Variants in ZNF385D observed in about 807,000 individuals in gnomAD.
ZNF385D encodes the protein zinc finger protein 659.
In ZNF385D, 15 loss-of-function variants were observed where a neutral mutation model predicts 35.8. That is an observed-to-expected ratio of 0.42 (90% CI 0.28 to 0.64). The LOEUF is 0.64. Among genes scored for constraint, ZNF385D ranks in the 30% least tolerant of loss-of-function variants. ZNF385D has a pLI of 0.23. For missense variants in ZNF385D, 474 were observed against 494.6 expected (o/e 0.96, Z 0.39); for synonymous variants, 212 against 186.8 (o/e 1.13, Z -1.10).
intron 1 of ZNF385D, among the ~76,000 whole-genome samples, chr3:21,717,578 C>G (rs919145354): frequency 3.0e-4 from 45 of 152,140 alleles, no homozygotes; most frequent in African/African-American, 1.0e-3. Context: ...TGTCCCCACC[C>G]AAATCTCACA....
At chr3:21,969,701 G>T (rs928414865) in intron 3 of ZNF385D, among the ~76,000 whole-genome samples, 1 of 151,950 alleles carries the variant, frequency 6.6e-6, no homozygotes, top group African/African-American at 2.4e-5. Context: ...TGGGCTTTAA[G>T]TGAACACGGG....
chr3:22,165,487 A>C (rs1706251941), intron 3 of ZNF385D, among the ~76,000 whole-genome samples: 1 of 152,182 alleles, frequency 6.6e-6, no homozygotes, highest in African/African-American at 2.4e-5. Flanking sequence ...ACTCAGCAAA[A>C]TCATGTGGGA....
chr3:21,884,756 C>T (rs1335340577), intron 3 of ZNF385D, among the ~76,000 whole-genome samples: 3 of 151,978 alleles, frequency 2.0e-5, no homozygotes, highest in African/African-American at 7.2e-5. Flanking sequence ...GCTCCAGATC[C>T]AGTGACATTA....
intron 3 of ZNF385D, among the ~76,000 whole-genome samples, chr3:21,967,399 T>G (rs1702973182): frequency 6.6e-6 from 1 of 152,198 alleles, no homozygotes; most frequent in Non-Finnish European, 1.5e-5. Flanking sequence ...GCGTGGAACT[T>G]CTACTTCCAG....
At chr3:22,274,365 A>T (rs1334234400) in intron 2 of ZNF385D, among the ~76,000 whole-genome samples, 1 of 152,026 alleles carries the variant, frequency 6.6e-6, no homozygotes, top group Non-Finnish European at 1.5e-5. Context: ...ATCTCATAAT[A>T]ATCTATATGG....
chr3:22,311,173 G>C (rs1195754613), intron 2 of ZNF385D, among the ~76,000 whole-genome samples: 2 of 151,818 alleles, frequency 1.3e-5, no homozygotes, highest in African/African-American at 4.8e-5. Flanking sequence ...AGAATAAATA[G>C]TATTTATTCT....
intron 2 of ZNF385D, among the ~76,000 whole-genome samples, chr3:21,657,258 G>A (rs1325465702): frequency 6.6e-6 from 1 of 151,940 alleles, no homozygotes; most frequent in African/African-American, 2.4e-5. Context: ...TTTTGAATCA[G>A]AGGAGAATGC....
intron 1 of ZNF385D, among the ~76,000 whole-genome samples, chr3:21,682,839 T>C (rs575645771): frequency 1.3e-5 from 2 of 150,030 alleles, no homozygotes; most frequent in South Asian, 4.3e-4. Flanking sequence ...AAAGCAGCCA[T>C]AGACAGTATG....
At chr3:22,275,611 A>G (rs901649991) in intron 2 of ZNF385D, among the ~76,000 whole-genome samples, 1 of 152,184 alleles carries the variant, frequency 6.6e-6, no homozygotes, top group Non-Finnish European at 1.5e-5. Context: ...AAAGAATCAT[A>G]TTTCAATTTT....
intron 3 of ZNF385D, among the ~76,000 whole-genome samples, chr3:22,072,540 T>C (rs528175136): frequency 4.3e-4 from 65 of 152,004 alleles, no homozygotes; most frequent in Non-Finnish European, 8.1e-4. Flanking sequence ...CTATGGAGAT[T>C]GGTTATAGAG....
Position 21,421,238 on chromosome 3 carries a change from A to G in ZNF385D, c.1164T>C (p.Thr388=). The part of the protein sequence containing the change: ...PAPGPIRTAH[T]PVLFAPY ...TTTAGTAAGGAGCAAACAGCACAGG[A>G]GTGTGGGCGGTCCGAATGGGTCCAG... Residue 388 remains threonine, a synonymous_variant, in exon 8 of 8, where the codon ACT becomes ACC. Coordinates refer to ENST00000281523, the MANE Select transcript of ZNF385D (RefSeq NM_024697.3). The G allele has an allele frequency of 6.2e-7, 1 of 1,614,082 alleles. No homozygotes were observed. Among genetic ancestry groups the G allele is most frequent in the Non-Finnish European group, 8.5e-7 (1 of 1,180,002 alleles).
At chr3:22,016,324 T>C (rs13083345) in intron 3 of ZNF385D, among the ~76,000 whole-genome samples, 14,310 of 152,098 alleles carry the variant, frequency 0.094, 957 homozygotes, top group South Asian at 0.19. Context: ...AGCAAAGATT[T>C]ACCTAGCTCA....
intron 1 of ZNF385D, among the ~76,000 whole-genome samples, chr3:21,735,705 G>T (rs1177924733): frequency 2.6e-5 from 4 of 152,118 alleles, no homozygotes; most frequent in African/African-American, 7.2e-5. Flanking sequence ...AATTTTTGTT[G>T]CTTCGACATC....
chr3:21,523,052 A>C (rs1246986885), intron 3 of ZNF385D, among the ~76,000 whole-genome samples: 1 of 152,184 alleles, frequency 6.6e-6, no homozygotes, highest in East Asian at 1.9e-4. Flanking sequence ...ATTCTGTCAC[A>C]CAGTGGTTGT....
intron 3 of ZNF385D, among the ~76,000 whole-genome samples, chr3:22,044,935 G>A (rs1026025387): frequency 3.3e-5 from 5 of 152,060 alleles, no homozygotes; most frequent in Non-Finnish European, 7.4e-5. Flanking sequence ...GCAGAATACG[G>A]AGAGGTACAT....
chr3:21,720,210 A>G (rs2068483169), intron 1 of ZNF385D, among the ~76,000 whole-genome samples: 1 of 152,174 alleles, frequency 6.6e-6, no homozygotes, highest in Admixed American at 6.5e-5. Context: ...TAGAATAGCT[A>G]TTCTTAAGTA....
intron 3 of ZNF385D, chr3:21,961,571 T>G (rs965241793): frequency 1.3e-5 from 2 of 152,156 alleles, no homozygotes; most frequent in Non-Finnish European, 2.9e-5. Context: ...ATTTCACATT[T>G]TAATTTTAAT....
intron 3 of ZNF385D, chr3:21,561,977 T>TAATA (rs1426057487): frequency 6.6e-6 from 1 of 152,188 alleles, no homozygotes; most frequent in Non-Finnish European, 1.5e-5. Flanking sequence ...AATAGAAGAC[T>TAATA]AATACAATAA....
At chr3:21,638,972 C>T (rs572139112) in intron 2 of ZNF385D, among the ~76,000 whole-genome samples, 1 of 152,044 alleles carries the variant, frequency 6.6e-6, no homozygotes, top group East Asian at 1.9e-4. Flanking sequence ...GTATAAAAAG[C>T]AGTTTTTAAA....
Sources: allele counts gnomAD v4.1 joint callset (sites outside exome capture counted in the v4.1 genomes callset), GRCh38; gene constraint gnomAD v4.1.1; transcripts MANE v1.5; gene names NCBI Gene and HGNC (gene_info 2026-07-23, HGNC 2026-07-21).